The following MN1 variants were observed in gnomAD, a reference collection of about 807,000 sequenced individuals.
The protein encoded by MN1 is MN1 proto-oncogene, transcriptional regulator, also known as transcriptional activator MN1.
Under a neutral mutation model 86.9 loss-of-function variants are expected in MN1, and 19 were observed. That is an observed-to-expected ratio of 0.22 (90% CI 0.15 to 0.32). The LOEUF is 0.32. Ranked by LOEUF, MN1 falls within the 10% of genes least tolerant of loss-of-function variation. MN1 has a pLI of 1.00. For synonymous variants in MN1, 928 were observed against 849.6 expected (o/e 1.09, Z -1.60); for missense variants, 1,841 against 1,862.0 (o/e 0.99, Z 0.21).
chr22:27,751,464 G>A (rs1391846814), intron 1 of MN1, among the ~76,000 whole-genome samples: 1 of 152,130 alleles, frequency 6.6e-6, no homozygotes. Context: ...ATCTAAACTG[G>A]GCATCAAAGG....
intron 1 of MN1, among the ~76,000 whole-genome samples, chr22:27,783,621 T>G (rs1200580137): frequency 6.6e-6 from 1 of 152,202 alleles, no homozygotes; most frequent in Non-Finnish European, 1.5e-5. Flanking sequence ...TGTGTGACCT[T>G]GGCCAAGTTG....
chr22:27,777,834 C>A (rs1479740836), intron 1 of MN1, among the ~76,000 whole-genome samples: 1 of 151,888 alleles, frequency 6.6e-6, no homozygotes, highest in Non-Finnish European at 1.5e-5. Context: ...CGAGATCACG[C>A]CACTGCACTC....
intron 1 of MN1, among the ~76,000 whole-genome samples, chr22:27,764,745 C>T (rs1932857042): frequency 6.6e-6 from 1 of 152,196 alleles, no homozygotes; most frequent in Admixed American, 6.5e-5. Context: ...TTACCAATAA[C>T]ATAATTACCG....
Position 27,800,435 on chromosome 22 carries a change from G to A in MN1, c.109C>T (p.Pro37Ser). The A allele has an allele frequency of 6.2e-7, 1 of 1,614,212 alleles. No homozygotes were observed. Among genetic ancestry groups the A allele is most frequent in the Non-Finnish European group, 8.5e-7 (1 of 1,180,036 alleles). ...GLSMNTHFKA[P>S]AFHTGGPPGP... ...GGGGGCCCCCCAGTGTGGAAAGCCGGGGCCTTAAAGTGGGTGTTCATGCTC... is the reference window on the plus strand; with the variant it reads ...GGGGGCCCCCCAGTGTGGAAAGCCGAGGCCTTAAAGTGGGTGTTCATGCTC... The change falls in exon 1 of 2, where the codon CCG (proline) becomes TCG (serine). Residue 37 changes from proline (P) to serine (S), a missense_variant. Coordinates refer to ENST00000302326, the MANE Select transcript of MN1 (RefSeq NM_002430.3).
rs144256185 is a variant in MN1 at position 27,787,032 on chromosome 22, G to A, written c.3781+9731C>T. ...ATTGACCGCATGGAGATCAATACGCGTCTACTTCAAACTGAACGAGGCCAA... is the reference window on the plus strand; with the variant it reads ...ATTGACCGCATGGAGATCAATACGCATCTACTTCAAACTGAACGAGGCCAA... On this transcript the variant is annotated intron_variant, in intron 1 of 1. Transcript: ENST00000302326. Among the ~76,000 whole-genome samples, 759 of 152,302 alleles carry A rather than the reference G, an allele frequency of 5.0e-3. 3 individuals are homozygous for A. The highest frequency in any genetic ancestry group is 8.9e-3 in the Non-Finnish European group (608 of 68,034).
chr22:27,790,269 G>A (rs1260521811), intron 1 of MN1, among the ~76,000 whole-genome samples: 2 of 152,232 alleles, frequency 1.3e-5, no homozygotes, highest in South Asian at 4.1e-4. Flanking sequence ...AAATAAGTTT[G>A]GAGGTTTTGC....
chr22:27,790,786 G>A (rs902196682), intron 1 of MN1, among the ~76,000 whole-genome samples: 1 of 152,208 alleles, frequency 6.6e-6, no homozygotes, highest in East Asian at 1.9e-4. Flanking sequence ...ACACCTCCAC[G>A]TACGCTCACG....
chr22:27,752,193 G>GA lies in MN1; in HGVS notation c.3782-1098dup, dbSNP rs541149664. Among the ~76,000 whole-genome samples, 60 of 152,336 alleles carry GA rather than the reference G, an allele frequency of 3.9e-4. 1 individual carries two copies. In the South Asian group the frequency reaches 0.012, roughly 31 times the overall value. On this transcript the variant is annotated intron_variant, in intron 1 of 1. Transcript: ENST00000302326. ...GGACCCGAGGCCAGTCCCCTCCTCT[G>GA]AAAAGGGGAGTGTCCACCCGGCTCA...
At chr22:27,773,348 T>C (rs891566565) in intron 1 of MN1, among the ~76,000 whole-genome samples, 4 of 152,216 alleles carry the variant, frequency 2.6e-5, no homozygotes, top group African/African-American at 9.6e-5. Context: ...GGGAAGCAGA[T>C]GCTGGGCTTT....
intron 1 of MN1, among the ~76,000 whole-genome samples, chr22:27,762,224 G>T (rs1387086271): frequency 1.3e-5 from 2 of 152,218 alleles, no homozygotes; most frequent in Non-Finnish European, 2.9e-5. Flanking sequence ...CAGTCGCTTA[G>T]CCTGCACCTT....
rs2146317508 is a variant in MN1, at chr22:27,799,041, A to G, written c.1503T>C (p.Pro501=). 1 of 1,611,718 alleles carries G rather than the reference A, an allele frequency of 6.2e-7. No individual in the cohort carries two copies. Among genetic ancestry groups the G allele is most frequent in the Non-Finnish European group, 8.5e-7 (1 of 1,179,120 alleles). ...YPGLPGEFTP[P]VPDSFPSGPP... ...GCCCCGAAGGGAAGCTGTCGGGCAC[A>G]GGCGGTGTGAACTCGCCGGGTAGGC... The change falls in exon 1 of 2, where the codon CCT becomes CCC. Residue 501 remains proline (P), a synonymous_variant. Transcript: ENST00000302326.
At chr22:27,752,847 C>T (rs1036756372) in intron 1 of MN1, among the ~76,000 whole-genome samples, 2 of 152,188 alleles carry the variant, frequency 1.3e-5, no homozygotes, top group Non-Finnish European at 2.9e-5. Flanking sequence ...GGAGCACACC[C>T]AGATACTGAA....
rs534738013 is a variant in MN1, at chr22:27,755,927, C to T, written c.3782-4831G>A. Among the ~76,000 whole-genome samples the T allele has an allele frequency of 2.6e-5, 4 of 152,342 alleles. No homozygotes were observed. In the South Asian group the frequency reaches 8.3e-4, roughly 32 times the overall value. ...TGGAGCAAGGAACTTTTGTACATCA[C>T]TTCAGCTCTCAGAACCTCGGTTCTA... is the stretch of plus-strand genomic sequence containing the variant. On this transcript the variant is annotated intron_variant, in intron 1 of 1. Transcript: ENST00000302326.
In MN1 at chr22:27,800,720, C is replaced by T. The variant is rs1185134602; in HGVS notation, c.-177G>A. ...TGAGGGACGGGGGGCGGGGTATTAG[C>T]TCCTCTCCTGAAGCTCCGATTCTGC... On this transcript the variant is annotated 5_prime_UTR_variant, in exon 1 of 2. Coordinates refer to ENST00000302326, the MANE Select transcript of MN1 (RefSeq NM_002430.3). The T allele has an allele frequency of 1.7e-5, 12 of 709,728 alleles. No homozygotes were observed. The highest frequency in any genetic ancestry group is 2.7e-5 in the Admixed American group (1 of 36,432). 44.0% of individuals were successfully genotyped at this position (709,728 alleles called of 1,614,324 possible). A position where few individuals can be genotyped will look rare whatever the true frequency, so the allele number is the denominator to read the frequency against.
In MN1 at chr22:27,778,836, G is replaced by A. The variant is rs45497498; in HGVS notation, c.3781+17927C>T. 3.3e-3 allele frequency among the ~76,000 whole-genome samples: 508 copies of A among 152,314 alleles called. 3 individuals are homozygous for A. Among genetic ancestry groups the A allele is most frequent in the African/African-American group, 0.012 (480 of 41,560 alleles). ...CTGATGTCTGTAACAAGCCTCACTCGGGTAGGACAGTGGCTGAAGCCCAGA... is the reference window on the plus strand; with the variant it reads ...CTGATGTCTGTAACAAGCCTCACTCAGGTAGGACAGTGGCTGAAGCCCAGA... On this transcript the variant is annotated intron_variant, in intron 1 of 1. Coordinates refer to ENST00000302326, the MANE Select transcript of MN1 (RefSeq NM_002430.3).
chr22:27,787,143 C>T (rs757727053), intron 1 of MN1, among the ~76,000 whole-genome samples: 2 of 152,178 alleles, frequency 1.3e-5, no homozygotes, highest in Admixed American at 6.5e-5. Context: ...TATGTGTGCA[C>T]GTGCACGTGC....
intron 1 of MN1, among the ~76,000 whole-genome samples, chr22:27,771,409 T>C (rs1932914080): frequency 6.6e-6 from 1 of 151,666 alleles, no homozygotes; most frequent in African/African-American, 2.4e-5. Flanking sequence ...TTATAGAGGT[T>C]GGTAGGGGGG....
intron 1 of MN1, among the ~76,000 whole-genome samples, chr22:27,787,614 C>A (rs998817011): frequency 2.6e-5 from 4 of 152,138 alleles, no homozygotes; most frequent in African/African-American, 7.2e-5. Context: ...GGCATTGGGA[C>A]CTGCCTACAA....
In MN1 at chr22:27,750,117, C is replaced by T; in HGVS notation, c.*798G>A. ...GAGAAAACACTGCTGTCGAACATTCCAACTCCTTCCCACAGAGCAGAGCTG... is the reference window on the plus strand; with the variant it reads ...GAGAAAACACTGCTGTCGAACATTCTAACTCCTTCCCACAGAGCAGAGCTG... On this transcript the variant is annotated 3_prime_UTR_variant, in exon 2 of 2. Transcript: ENST00000302326. 4.3e-6 allele frequency: 1 copy of T among 232,154 alleles called. No individual in the cohort carries two copies. The highest frequency in any genetic ancestry group is 8.5e-6 in the Non-Finnish European group (1 of 117,348). 14.4% of individuals were successfully genotyped at this position (232,154 alleles called of 1,614,324 possible).
Sources: gnomAD v4.1 joint callset for allele counts (sites outside exome capture counted in the v4.1 genomes callset) on GRCh38, gnomAD v4.1.1 for gene constraint, MANE v1.5 for transcripts, NCBI Gene and HGNC (gene_info 2026-07-23, HGNC 2026-07-21) for gene names.